The following FLRT2 variants were observed in gnomAD, a reference collection of about 807,000 sequenced individuals.
FLRT2 encodes fibronectin leucine rich transmembrane protein 2.
A neutral mutation model predicts 40.0 loss-of-function variants in FLRT2; 15 were observed. The ratio of observed to expected loss-of-function variants is 0.38; its 90% CI spans 0.25 to 0.58. The LOEUF is 0.58. Ranked by LOEUF, FLRT2 falls within the 20% of genes least tolerant of loss-of-function variation. The probability of loss-of-function intolerance (pLI) is 0.71; values close to 1 mark genes in which losing one functional copy is unlikely to be tolerated. For synonymous variants in FLRT2, 380 were observed against 336.8 expected, an observed-to-expected ratio of 1.13 and a Z score of -1.41; for missense variants, 726 against 840.0, an observed-to-expected ratio of 0.86 and a Z score of 1.68.
intron 1 of FLRT2, among the ~76,000 whole-genome samples, chr14:85,555,264 G>C (rs750637986): frequency 2.6e-5 from 4 of 152,160 alleles, no homozygotes; most frequent in Middle Eastern, 3.2e-3. Context: ...TAGATTCCTA[G>C]AAGATGTTAC....
chr14:85,536,890 C>T (rs1888695554), intron 1 of FLRT2, among the ~76,000 whole-genome samples: 1 of 152,136 alleles, frequency 6.6e-6, no homozygotes. Flanking sequence ...CAGAGCTATC[C>T]ACTGCCAATG....
intron 1 of FLRT2, among the ~76,000 whole-genome samples, chr14:85,612,061 CAAAAAAAA>C (rs11298272): frequency 0.051 from 3,176 of 62,532 alleles, 159 homozygotes; most frequent in African/African-American, 0.17. Context: ...ACTTACTTTT[CAAAAAAAA>C]AAAAAAAAAA....
At chr14:85,595,803 T>G (rs1007006436) in intron 1 of FLRT2, among the ~76,000 whole-genome samples, 1 of 152,232 alleles carries the variant, frequency 6.6e-6, no homozygotes, top group Non-Finnish European at 1.5e-5. Flanking sequence ...CAATATCAAG[T>G]AACAGACCCA....
intron 1 of FLRT2, among the ~76,000 whole-genome samples, chr14:85,578,178 C>A (rs12434630): frequency 1.6e-4 from 15 of 94,194 alleles, no homozygotes; most frequent in South Asian, 1.2e-3. Flanking sequence ...ATAAAAATAT[C>A]TTTATATATA....
intron 1 of FLRT2, among the ~76,000 whole-genome samples, chr14:85,541,999 G>C (rs1407262168): frequency 6.6e-6 from 1 of 152,108 alleles, no homozygotes; most frequent in Non-Finnish European, 1.5e-5. Context: ...CTTTATACAT[G>C]ACTCTTGGCA....
At chr14:85,578,581 G>C (rs747414358) in intron 1 of FLRT2, among the ~76,000 whole-genome samples, 18 of 152,076 alleles carry the variant, frequency 1.2e-4, no homozygotes, top group Non-Finnish European at 2.1e-4. Context: ...CTGACCTCAG[G>C]ACAAAGCTTT....
chr14:85,533,207 G>A (rs1174839147), intron 1 of FLRT2, among the ~76,000 whole-genome samples: 2 of 152,140 alleles, frequency 1.3e-5, no homozygotes, highest in East Asian at 3.9e-4. Flanking sequence ...GCCAGAGCGC[G>A]AGGGACGGAG....
In FLRT2 at chr14:85,621,736, A is replaced by G. The variant is rs777455551; in HGVS notation, c.222A>G (p.Gln74=). 82 of 1,614,024 alleles carry G rather than the reference A, an allele frequency of 5.1e-5. No individual in the cohort carries two copies. The Admixed American group carries it at 8.3e-4, about 16-fold the overall frequency. The stretch of plus-strand genomic sequence containing the variant: ...CTGTACTCTACCTCCACAACAACCA[A>G]ATTAATAATGCTGGATTTCCTGCAG... ...GVTVLYLHNN[Q]INNAGFPAEL... The change falls in exon 2 of 2, where the codon CAA becomes CAG. Residue 74 remains glutamine (Q), a synonymous_variant. Coordinates refer to ENST00000330753, the MANE Select transcript of FLRT2 (RefSeq NM_013231.6).
At chr14:85,581,367 A>T (rs898258954) in intron 1 of FLRT2, among the ~76,000 whole-genome samples, 9 of 151,806 alleles carry the variant, frequency 5.9e-5, no homozygotes, top group Non-Finnish European at 5.9e-5. Context: ...GATACCACTT[A>T]CCCCCAGAGA....
At chr14:85,530,991 C>T (rs1312314474) in intron 1 of FLRT2, among the ~76,000 whole-genome samples, 2 of 152,206 alleles carry the variant, frequency 1.3e-5, no homozygotes, top group African/African-American at 4.8e-5. Context: ...CACCAACCTA[C>T]TACCTGCCCG....
At position 85,644,909 on chromosome 14, in the gene FLRT2, A is replaced by T. The variant is rs1894254265; in HGVS notation, c.*21412A>T. 1 of 152,162 alleles carries T rather than the reference A, an allele frequency of 6.6e-6. No homozygotes were observed. Among genetic ancestry groups the T allele is most frequent in the Non-Finnish European group, 1.5e-5 (1 of 68,032 alleles). The allele number at this position is 152,162 out of a possible 1,614,324, so 9.4% of individuals were successfully genotyped here. A position where few individuals can be genotyped will look rare whatever the true frequency, so the allele number is the denominator to read the frequency against. ...TGTAAAACTTTGCCAATCTCGTAGG[A>T]GATTAATAGCGTAGAGCTCTGTGGT... is the stretch of plus-strand genomic sequence containing the variant. On this transcript the variant is annotated 3_prime_UTR_variant, in exon 2 of 2. Coordinates refer to ENST00000330753, the MANE Select transcript of FLRT2 (RefSeq NM_013231.6).
intron 1 of FLRT2, among the ~76,000 whole-genome samples, chr14:85,579,788 G>A (rs975358435): frequency 2.0e-5 from 3 of 152,086 alleles, no homozygotes; most frequent in African/African-American, 7.2e-5. Flanking sequence ...TATGTAATAA[G>A]GGCTTACAGG....
intron 1 of FLRT2, among the ~76,000 whole-genome samples, chr14:85,611,587 G>C (rs1351471660): frequency 6.6e-6 from 1 of 152,096 alleles, no homozygotes; most frequent in Non-Finnish European, 1.5e-5. Context: ...ACCTGTCTTG[G>C]AGATGTAGTA....
At position 85,622,715 on chromosome 14, in the gene FLRT2, A is replaced by G. The variant is rs1024060652; in HGVS notation, c.1201A>G (p.Thr401Ala). The change falls in exon 2 of 2, where the codon ACC becomes GCC. Residue 401 changes from threonine to alanine, a missense_variant. Physicochemically the swap from Thr to Ala is moderately conservative, Grantham distance 58 (BLOSUM62 0). This residue lies in a region of FLRT2 where 611 missense variants were observed against 690.0 expected (regional missense o/e 0.89). Transcript: ENST00000330753. ...CAGAAGCTACACGCCTCCAACTCCT[A>G]CCACATCGAAACTTCCCACGATTCC... ...PSRSYTPPTP[T>A]TSKLPTIPDW... 11 of 1,613,834 alleles carry G rather than the reference A, an allele frequency of 6.8e-6. No homozygotes were observed. The African/African-American group carries it at 1.2e-4, about 18-fold the overall frequency.
At chr14:85,552,085 A>G (rs1889661171) in intron 1 of FLRT2, among the ~76,000 whole-genome samples, 1 of 152,164 alleles carries the variant, frequency 6.6e-6, no homozygotes, top group Non-Finnish European at 1.5e-5. Context: ...ATTAAATTCT[A>G]GGTTTTATGT....
intron 1 of FLRT2, among the ~76,000 whole-genome samples, chr14:85,606,795 T>C (rs574876084): frequency 6.6e-6 from 1 of 151,432 alleles, no homozygotes; most frequent in African/African-American, 2.4e-5. Flanking sequence ...AGTGCTGGGA[T>C]TACAGCTTGA....
In FLRT2 at chr14:85,640,451, A is replaced by T. The variant is rs568898075; in HGVS notation, c.*16954A>T. 1.6e-4 allele frequency: 24 copies of T among 152,234 alleles called. No individual in the cohort carries two copies. The highest frequency in any genetic ancestry group is 5.5e-4 in the African/African-American group (23 of 41,552). 9.4% of individuals were successfully genotyped at this position (152,234 alleles called of 1,614,324 possible). A position where few individuals can be genotyped will look rare whatever the true frequency, so the allele number is the denominator to read the frequency against. On this transcript the variant is annotated 3_prime_UTR_variant, in exon 2 of 2. Coordinates refer to ENST00000330753, the MANE Select transcript of FLRT2 (RefSeq NM_013231.6). The stretch of plus-strand genomic sequence containing the variant: ...ACCACAATATACATAGCAAGTATTA[A>T]ATATCTTGAGAGGTTTTCTTTAATT...
At position 85,649,281 on chromosome 14, in the gene FLRT2, T is replaced by G. The variant is rs537696383; in HGVS notation, c.*25784T>G. On this transcript the variant is annotated 3_prime_UTR_variant, in exon 2 of 2. Transcript: ENST00000330753. Reference sequence around the variant, plus strand: ...AGAAATCACTTGACTCAAATTTTGATGATTTAATAGCTCATTGAAAGAACT... The same window carrying G: ...AGAAATCACTTGACTCAAATTTTGAGGATTTAATAGCTCATTGAAAGAACT... The G allele has an allele frequency of 5.3e-5, 8 of 152,256 alleles. No individual in the cohort carries two copies. In the South Asian group the frequency reaches 1.4e-3, roughly 28 times the overall value. 9.4% of individuals were successfully genotyped at this position (152,256 alleles called of 1,614,324 possible).
chr14:85,600,628 T>C (rs928115597), intron 1 of FLRT2, among the ~76,000 whole-genome samples: 1 of 152,204 alleles, frequency 6.6e-6, no homozygotes, highest in African/African-American at 2.4e-5. Flanking sequence ...GACCATTAGA[T>C]TTTCTATTAT....
Sources: allele counts gnomAD v4.1 joint callset (sites outside exome capture counted in the v4.1 genomes callset), GRCh38; gene constraint gnomAD v4.1.1; regional missense constraint gnomAD v4.1.1; transcripts MANE v1.5; gene names NCBI Gene and HGNC (gene_info 2026-07-23, HGNC 2026-07-21).